PPARG: variants seen among roughly 807,000 people sequenced by gnomAD.
PPARG encodes peroxisome proliferator activated receptor gamma, also known as peroxisome proliferator-activated receptor gamma.
In PPARG, 17 loss-of-function variants were observed where a neutral mutation model predicts 39.2. That is an observed-to-expected ratio of 0.43 (90% CI 0.30 to 0.65). The LOEUF is 0.65. Ranked by LOEUF, PPARG falls within the 30% of genes least tolerant of loss-of-function variation. The pLI is 0.13. For synonymous variants in PPARG, 223 were observed against 215.7 expected, an observed-to-expected ratio of 1.03 and a Z score of -0.30; for missense variants, 406 against 585.9, an observed-to-expected ratio of 0.69 and a Z score of 3.17.
At chr3:12,373,745 A>G (rs1197287707) in intron 2 of PPARG, among the ~76,000 whole-genome samples, 8 of 152,172 alleles carry the variant, frequency 5.3e-5, no homozygotes, top group African/African-American at 1.7e-4. Context: ...CTGGAAGTCT[A>G]ATGGTGGAGA....
Sources: allele counts gnomAD v4.1 joint callset (sites outside exome capture counted in the v4.1 genomes callset), GRCh38; gene constraint gnomAD v4.1.1; transcripts MANE v1.5; gene names NCBI Gene and HGNC (gene_info 2026-07-23, HGNC 2026-07-21).